The following ANKRD26 variants were observed in gnomAD, a reference collection of about 807,000 sequenced individuals.
ANKRD26 encodes ankyrin repeat domain 26.
Under a neutral mutation model 208.7 loss-of-function variants are expected in ANKRD26, and 141 were observed. That is an observed-to-expected ratio of 0.68 (90% CI 0.59 to 0.78). The LOEUF is 0.78. Among genes scored for constraint, ANKRD26 ranks in the 30% least tolerant of loss-of-function variants. ANKRD26 has a pLI of 0.00. For synonymous variants in ANKRD26, 636 were observed against 660.4 expected (o/e 0.96, Z 0.57); for missense variants, 1,889 against 1,938.7 (o/e 0.97, Z 0.48).
At chr10:26,987,894 G>A (rs2134651191), downstream of ANKRD26, among the ~76,000 whole-genome samples, 1 of 152,292 alleles carries the variant, frequency 6.6e-6, no homozygotes, top group South Asian at 2.1e-4. Context: ...CACACAGTGA[G>A]GTAAGGCCAC....
intron 31 of ANKRD26, among the ~76,000 whole-genome samples, chr10:27,014,240 A>G (rs2053215178): frequency 6.6e-6 from 1 of 152,146 alleles, no homozygotes; most frequent in East Asian, 1.9e-4. Context: ...CACATAGCTG[A>G]AAGACATAGA....
intron 5 of ANKRD26, chr10:26,994,969 A>G (rs2052557354): frequency 2.3e-6 from 1 of 442,590 alleles, no homozygotes; most frequent in African/African-American, 2.0e-5. Flanking sequence ...AATTACCTCT[A>G]ATAAGGAAAT....
At chr10:26,987,174 G>A (rs1364426998), downstream of ANKRD26, among the ~76,000 whole-genome samples, 1 of 151,916 alleles carries the variant, frequency 6.6e-6, no homozygotes, top group African/African-American at 2.4e-5. Flanking sequence ...GCAAACTATT[G>A]CAAGGACAAA....
chr10:26,964,107 T>C, the ANKRD26 span, among the ~76,000 whole-genome samples: 2 of 151,774 alleles, frequency 1.3e-5, no homozygotes, highest in Non-Finnish European at 2.9e-5. Context: ...ACAGGTTTCA[T>C]CATATTGGCC....
chr10:27,030,445 T>C, intron 25 of ANKRD26: 1 of 985,406 alleles, frequency 1.0e-6, no homozygotes, highest in Non-Finnish European at 1.2e-6. Context: ...CGAAACAAGG[T>C]TCCCAAATCA....
chr10:27,027,377 T>C (rs1377439314), intron 27 of ANKRD26, among the ~76,000 whole-genome samples: 1 of 152,208 alleles, frequency 6.6e-6, no homozygotes, highest in Non-Finnish European at 1.5e-5. Context: ...AAATTCAGAA[T>C]TGTAGATCAA....
intron 5 of ANKRD26, among the ~76,000 whole-genome samples, chr10:26,993,085 A>G (rs541881105): frequency 1.3e-5 from 2 of 152,286 alleles, no homozygotes; most frequent in East Asian, 1.9e-4. Context: ...TTCAATAGCT[A>G]TTTATGGTAC....
At chr10:26,989,464 T>C (rs954110481), downstream of ANKRD26, among the ~76,000 whole-genome samples, 7 of 152,178 alleles carry the variant, frequency 4.6e-5, no homozygotes, top group Non-Finnish European at 7.4e-5. Context: ...ATTAAGGATG[T>C]TGAGAAGATT....
downstream of ANKRD26, among the ~76,000 whole-genome samples, chr10:26,989,081 T>C (rs1217405428): frequency 6.6e-6 from 1 of 152,060 alleles, no homozygotes; most frequent in African/African-American, 2.4e-5. Context: ...GGTATTAATA[T>C]CGGGCAAGAT....
chr10:27,009,770 C>G (rs2053027442), intron 32 of ANKRD26, among the ~76,000 whole-genome samples: 1 of 152,112 alleles, frequency 6.6e-6, no homozygotes. Context: ...AAATGCTCCT[C>G]CTTTCTCTGT....
intron 5 of ANKRD26, among the ~76,000 whole-genome samples, chr10:26,994,366 T>C (rs946838830): frequency 2.0e-5 from 3 of 152,188 alleles, no homozygotes; most frequent in Admixed American, 6.5e-5. Context: ...CACCAGGATA[T>C]CATTTTCTCT....
At chr10:26,973,268 A>G (rs1456175409), downstream of ANKRD26, among the ~76,000 whole-genome samples, 9 of 152,134 alleles carry the variant, frequency 5.9e-5, no homozygotes, top group East Asian at 1.5e-3. Flanking sequence ...TGCTTTATCC[A>G]TTTTGAGTCT....
intron 6 of ANKRD26, chr10:27,080,660 CT>C (rs1421248060): frequency 4.1e-6 from 4 of 985,368 alleles, no homozygotes; most frequent in Non-Finnish European, 4.8e-6. Context: ...GATCCCTCTT[CT>C]GCAGGGCTCC....
chr10:27,047,907 C>T (rs1020824573), intron 17 of ANKRD26, among the ~76,000 whole-genome samples: 1 of 151,820 alleles, frequency 6.6e-6, no homozygotes, highest in East Asian at 1.9e-4. Context: ...CCATGCCTGC[C>T]TAATTTTGTA....
chr10:27,033,806 A>G (rs1389758346), intron 24 of ANKRD26, among the ~76,000 whole-genome samples: 1 of 152,166 alleles, frequency 6.6e-6, no homozygotes. Flanking sequence ...AATTATTCCA[A>G]TAGATTCCTA....
At chr10:26,960,110 T>C in the ANKRD26 span, among the ~76,000 whole-genome samples, 2 of 151,688 alleles carry the variant, frequency 1.3e-5, no homozygotes, top group Admixed American at 6.6e-5. Context: ...GACAGCACCA[T>C]TGCACTCTAG....
downstream of ANKRD26, among the ~76,000 whole-genome samples, chr10:26,971,549 C>G (rs2052142834): frequency 6.6e-6 from 1 of 151,630 alleles, no homozygotes; most frequent in Non-Finnish European, 1.5e-5. Flanking sequence ...GTGGCACATG[C>G]CTGTAATCCC....
chr10:27,055,337 T>C (rs2054802315), intron 15 of ANKRD26, among the ~76,000 whole-genome samples: 1 of 152,182 alleles, frequency 6.6e-6, no homozygotes, highest in Non-Finnish European at 1.5e-5. Context: ...CATGAAGAAA[T>C]GAGAGCAAAC....
the ANKRD26 span, among the ~76,000 whole-genome samples, chr10:26,963,803 T>C: frequency 6.6e-6 from 1 of 152,064 alleles, no homozygotes; most frequent in African/African-American, 2.4e-5. Flanking sequence ...ACAATGTATT[T>C]ACATTGTAGT....
Sources: gnomAD v4.1 joint callset for allele counts (sites outside exome capture counted in the v4.1 genomes callset) on GRCh38, gnomAD v4.1.1 for gene constraint, MANE v1.5 for transcripts, NCBI Gene and HGNC (gene_info 2026-07-23, HGNC 2026-07-21) for gene names.